The following WIPF1 variants were observed in gnomAD, a reference collection of about 807,000 sequenced individuals.
WIPF1 encodes the protein WAS/WASL-interacting protein family member 1.
A neutral mutation model predicts 35.4 loss-of-function variants in WIPF1; 13 were observed. The ratio of observed to expected loss-of-function variants is 0.37; its 90% CI spans 0.24 to 0.58. The LOEUF (loss-of-function observed/expected upper bound fraction) is 0.58, where lower values mean the gene tolerates loss of function less well. WIPF1 is among the 20% of genes least tolerant of loss of function. WIPF1 has a pLI of 0.74. For missense variants in WIPF1, 591 were observed against 667.0 expected (o/e 0.89, Z 1.25); for synonymous variants, 267 against 266.3 (o/e 1.00, Z -0.02).
At chr2:174,602,012 G>A (rs982638214), upstream of WIPF1, among the ~76,000 whole-genome samples, 6 of 152,194 alleles carry the variant, frequency 3.9e-5, no homozygotes, top group Non-Finnish European at 7.3e-5. Flanking sequence ...GGGAGAGGTT[G>A]TTATACTATA....
intron 1 of WIPF1, among the ~76,000 whole-genome samples, chr2:174,629,458 T>G (rs748426331): frequency 6.6e-6 from 1 of 152,214 alleles, no homozygotes; most frequent in Non-Finnish European, 1.5e-5. Flanking sequence ...ATGCTGTCCA[T>G]GTAGGTAAAT....
chr2:174,623,721 G>T (rs1016295710), intron 1 of WIPF1, among the ~76,000 whole-genome samples: 8 of 152,204 alleles, frequency 5.3e-5, no homozygotes, highest in Non-Finnish European at 1.2e-4. Flanking sequence ...AGAGCTCATA[G>T]ATATTTTATT....
At chr2:174,581,513 G>A in intron 2 of WIPF1, 74 bp from the exon 3 acceptor site, 1 of 1,565,662 alleles carries the variant, frequency 6.4e-7, no homozygotes, top group Non-Finnish European at 8.6e-7. Context: ...GGCTGGGAAA[G>A]GTTGGGTACG....
chr2:174,618,388 G>T (rs1051345338), intron 1 of WIPF1, among the ~76,000 whole-genome samples: 6 of 152,226 alleles, frequency 3.9e-5, no homozygotes, highest in African/African-American at 1.4e-4. Flanking sequence ...GGAAACAAGA[G>T]CAGGCAAAAA....
At chr2:174,608,869 C>T (rs1018254286) in intron 1 of WIPF1, among the ~76,000 whole-genome samples, 1 of 152,232 alleles carries the variant, frequency 6.6e-6, no homozygotes, top group Non-Finnish European at 1.5e-5. Flanking sequence ...CTCAGTATCA[C>T]CTGCTGGAGG....
chr2:174,574,941 C>T (rs1411904980), intron 4 of WIPF1: 2 of 681,176 alleles, frequency 2.9e-6, no homozygotes, highest in African/African-American at 2.2e-5. Context: ...TCCAGCTAAC[C>T]CTTTAGAAAA....
intron 1 of WIPF1, among the ~76,000 whole-genome samples, chr2:174,636,269 A>T (rs1428849312): frequency 6.6e-6 from 1 of 152,192 alleles, no homozygotes; most frequent in African/African-American, 2.4e-5. Flanking sequence ...TTCTGTGTGG[A>T]ATTTTTAAAG....
chr2:174,618,516 A>C (rs1336289681), intron 1 of WIPF1, among the ~76,000 whole-genome samples: 1 of 152,178 alleles, frequency 6.6e-6, no homozygotes, highest in Non-Finnish European at 1.5e-5. Flanking sequence ...AGTCCCAATA[A>C]TTCTAATAAT....
In WIPF1 at chr2:174,665,296, G is replaced by A. The variant is rs550248940; in HGVS notation, c.-39+17478C>T. 15 of 152,284 alleles carry A rather than the reference G, an allele frequency of 9.9e-5. No individual in the cohort carries two copies. The South Asian group carries it at 2.9e-3, about 29-fold the overall frequency. The allele number at this position is 152,284 out of a possible 1,614,324, so 9.4% of individuals were successfully genotyped here. A position where few individuals can be genotyped will look rare whatever the true frequency, so the allele number is the denominator to read the frequency against. The stretch of plus-strand genomic sequence containing the variant: ...ATAGACCAGGGTCTGTGTCTCATTC[G>A]TGTCTGGACAATGCATCACAGACAC... On this transcript the variant is annotated intron_variant, in intron 1 of 8. Coordinates refer to the WIPF1 transcript ENST00000272746.
At chr2:174,564,815 GCACACACACACA>G (rs10587549) in intron 7 of WIPF1, among the ~76,000 whole-genome samples, 9 of 143,414 alleles carry the variant, frequency 6.3e-5, no homozygotes, top group East Asian at 4.1e-4. Context: ...TTCTTCTGGT[GCACACACACACA>G]CACACACACA....
At chr2:174,576,180 T>C (rs1301988532) in intron 3 of WIPF1, among the ~76,000 whole-genome samples, 1 of 147,198 alleles carries the variant, frequency 6.8e-6, no homozygotes, top group African/African-American at 2.6e-5. Context: ...AGAGGATCAC[T>C]TGAACCCACT....
intron 1 of WIPF1, among the ~76,000 whole-genome samples, chr2:174,612,726 G>T (rs989534005): frequency 6.6e-6 from 1 of 151,590 alleles, no homozygotes; most frequent in Non-Finnish European, 1.5e-5. Context: ...TTTATTTATT[G>T]TCTTCTCCAT....
upstream of WIPF1, among the ~76,000 whole-genome samples, chr2:174,599,606 GA>G (rs1222022060): frequency 2.6e-5 from 4 of 152,148 alleles, no homozygotes; most frequent in Non-Finnish European, 4.4e-5. Flanking sequence ...CACTTCCCGC[GA>G]TACAAACCCT....
chr2:174,637,495 G>A (rs1041480748), intron 1 of WIPF1, among the ~76,000 whole-genome samples: 7 of 152,142 alleles, frequency 4.6e-5, no homozygotes, highest in African/African-American at 1.7e-4. Flanking sequence ...GCCTCTACCA[G>A]CTGCAAAACA....
At chr2:174,573,438 C>A (rs1012053222) in intron 4 of WIPF1, among the ~76,000 whole-genome samples, 1 of 152,072 alleles carries the variant, frequency 6.6e-6, no homozygotes. Flanking sequence ...GGGAGATAAA[C>A]AATAAACCAG....
intron 1 of WIPF1, among the ~76,000 whole-genome samples, chr2:174,596,660 G>T (rs1440405091): frequency 6.6e-6 from 1 of 152,084 alleles, no homozygotes; most frequent in Non-Finnish European, 1.5e-5. Context: ...GGCCGAGGCG[G>T]GCAGATCACT....
At chr2:174,604,873 C>T (rs1342004626) in intron 1 of WIPF1, among the ~76,000 whole-genome samples, 5 of 152,332 alleles carry the variant, frequency 3.3e-5, no homozygotes, top group Admixed American at 2.6e-4. Flanking sequence ...TCTACTCTGA[C>T]TCCAGGAATG....
At chr2:174,589,358 G>C (rs1034918996) in intron 1 of WIPF1, among the ~76,000 whole-genome samples, 1 of 152,246 alleles carries the variant, frequency 6.6e-6, no homozygotes, top group African/African-American at 2.4e-5. Context: ...CTGGGCAAAA[G>C]AATCAGCCCT....
intron 1 of WIPF1, chr2:174,625,925 G>A (rs1340083079): frequency 6.6e-6 from 1 of 152,212 alleles, no homozygotes; most frequent in Non-Finnish European, 1.5e-5. Flanking sequence ...CAGATGCAGA[G>A]CTTGTGAATA....
Sources: gnomAD v4.1 joint callset for allele counts (sites outside exome capture counted in the v4.1 genomes callset) on GRCh38, gnomAD v4.1.1 for gene constraint, MANE v1.5 for transcripts, NCBI Gene and HGNC (gene_info 2026-07-23, HGNC 2026-07-21) for gene names.